Variants in TACR3 observed in about 807,000 individuals in gnomAD.
TACR3 encodes the protein tachykinin receptor 3, also known as neuromedin-K receptor.
In TACR3, 34 loss-of-function variants were observed where a neutral mutation model predicts 35.0. The ratio of observed to expected loss-of-function variants is 0.97; its 90% CI spans 0.74 to 1.30. The LOEUF is 1.30. Among genes scored for constraint, TACR3 ranks in the 50% most tolerant of loss-of-function variants. TACR3 has a pLI of 0.00. For synonymous variants in TACR3, 233 were observed against 221.1 expected, an observed-to-expected ratio of 1.05 and a Z score of -0.48; for missense variants, 558 against 591.7, an observed-to-expected ratio of 0.94 and a Z score of 0.59.
chr4:103,647,913 T>A lies in TACR3; in HGVS notation c.888+8281A>T, dbSNP rs537303400. ...CTAAAAGTTTCATATTAATTCAAAG[T>A]TTAAATATGCTAGGTTCTATATAAC... On this transcript the variant is annotated intron_variant, in intron 3 of 4. Transcript: ENST00000304883. Among the ~76,000 whole-genome samples, 62 of 152,150 alleles carry A rather than the reference T, an allele frequency of 4.1e-4. No homozygotes were observed. In the South Asian group the frequency reaches 0.012, roughly 31 times the overall value.
At chr4:103,671,728 G>A (rs538418865) in intron 1 of TACR3, among the ~76,000 whole-genome samples, 1 of 151,932 alleles carries the variant, frequency 6.6e-6, no homozygotes, top group Admixed American at 6.6e-5. Context: ...TTTCAAAAAA[G>A]CAACTTTTTA....
intron 1 of TACR3, among the ~76,000 whole-genome samples, chr4:103,663,559 T>C (rs1031651178): frequency 6.6e-6 from 1 of 152,210 alleles, no homozygotes; most frequent in Non-Finnish European, 1.5e-5. Context: ...ACTTATGTTC[T>C]GATTTGGTTC....
intron 1 of TACR3, among the ~76,000 whole-genome samples, chr4:103,711,697 T>C (rs939454136): frequency 3.3e-5 from 5 of 152,224 alleles, no homozygotes; most frequent in African/African-American, 1.2e-4. Flanking sequence ...AAAGAGGAAG[T>C]CAAATTGTCC....
At chr4:103,631,905 G>A (rs1014446790) in intron 3 of TACR3, among the ~76,000 whole-genome samples, 1 of 152,040 alleles carries the variant, frequency 6.6e-6, no homozygotes, top group Non-Finnish European at 1.5e-5. Context: ...TTCTAACCAA[G>A]TATCATTTCA....
At chr4:103,622,027 A>C (rs370187256) in intron 3 of TACR3, among the ~76,000 whole-genome samples, 1 of 152,344 alleles carries the variant, frequency 6.6e-6, no homozygotes, top group African/African-American at 2.4e-5. Context: ...AAGCCAAAAA[A>C]GTCTACTGAA....
At chr4:103,599,744 T>C (rs1328769695) in intron 3 of TACR3, among the ~76,000 whole-genome samples, 4 of 152,242 alleles carry the variant, frequency 2.6e-5, no homozygotes, top group Non-Finnish European at 5.9e-5. Flanking sequence ...TCTGTTTATA[T>C]GCTGGATTAG....
intron 1 of TACR3, among the ~76,000 whole-genome samples, chr4:103,692,207 AT>A (rs1213344765): frequency 6.6e-6 from 1 of 152,174 alleles, no homozygotes; most frequent in Admixed American, 6.6e-5. Context: ...GACATTCTTG[AT>A]TTTAAAATGT....
chr4:103,674,276 G>A (rs1297327424), intron 1 of TACR3, among the ~76,000 whole-genome samples: 3 of 151,530 alleles, frequency 2.0e-5, no homozygotes, highest in Non-Finnish European at 4.4e-5. Context: ...TAGCTATCCA[G>A]AGCACAATGA....
chr4:103,684,923 G>A lies in TACR3; in HGVS notation c.549-26520C>T, dbSNP rs530493373. On this transcript the variant is annotated intron_variant, in intron 1 of 4. Coordinates refer to ENST00000304883, the MANE Select transcript of TACR3 (RefSeq NM_001059.3). ...TGCTTGAACCTGGGAGGTGGAGGTT[G>A]CAGTGAACCGAGATTGCACCACTGT... 2.6e-5 allele frequency among the ~76,000 whole-genome samples: 4 copies of A among 151,898 alleles called. No homozygotes were observed. The East Asian group carries it at 7.7e-4, about 29-fold the overall frequency.
intron 1 of TACR3, among the ~76,000 whole-genome samples, chr4:103,685,859 A>G (rs1263602892): frequency 1.3e-5 from 2 of 152,174 alleles, no homozygotes; most frequent in African/African-American, 2.4e-5. Flanking sequence ...TCCCTTCCCC[A>G]GGTCCACAGT....
intron 3 of TACR3, among the ~76,000 whole-genome samples, chr4:103,639,945 A>G (rs963712361): frequency 2.2e-4 from 33 of 152,010 alleles, no homozygotes; most frequent in African/African-American, 7.5e-4. Flanking sequence ...GACCTATCAT[A>G]AGCATTATCT....
At chr4:103,637,696 G>A (rs1186231934) in intron 3 of TACR3, among the ~76,000 whole-genome samples, 1 of 152,162 alleles carries the variant, frequency 6.6e-6, no homozygotes, top group Non-Finnish European at 1.5e-5. Context: ...AAACCCCATT[G>A]TCTCAGCCCA....
In TACR3 at chr4:103,591,591, T is replaced by C. The variant is rs775623359; in HGVS notation, c.981A>G (p.Gln327=). The change falls in exon 4 of 5, where the codon CAA becomes CAG. Residue 327 remains glutamine (Q), a synonymous_variant. Transcript: ENST00000304883. The part of the protein sequence containing the change: ...IYFILTAIYQ[Q]LNRWKYIQQV... The stretch of plus-strand genomic sequence containing the variant: ...GCTGGATGTATTTCCATCTATTTAG[T>C]TGTTGATAGATTGCAGTGAGAATGA... 1 of 1,613,854 alleles carries C rather than the reference T, an allele frequency of 6.2e-7. No individual in the cohort carries two copies. The highest frequency in any genetic ancestry group is 1.1e-5 in the South Asian group (1 of 91,080).
At position 103,623,505 on chromosome 4, in the gene TACR3, A is replaced by G. The variant is rs1316548501; in HGVS notation, c.889-31822T>C. Reference sequence around the variant, plus strand: ...CATGTTTGTGCCATATAAAAATTTGATAACATGACTATAGCAAAACGTATC... The same window carrying G: ...CATGTTTGTGCCATATAAAAATTTGGTAACATGACTATAGCAAAACGTATC... On this transcript the variant is annotated intron_variant, in intron 3 of 4. Coordinates refer to ENST00000304883, the MANE Select transcript of TACR3 (RefSeq NM_001059.3). Among the ~76,000 whole-genome samples the G allele has an allele frequency of 1.3e-5, 2 of 152,168 alleles. 1 individual carries two copies. The highest frequency in any genetic ancestry group is 2.9e-5 in the Non-Finnish European group (2 of 68,026).
rs898367788 is a variant in TACR3, at chr4:103,586,034, T to C, written c.*3648A>G. Reference sequence around the variant, plus strand: ...AATAGGAAAGTAGTAAGACTTCTTTTACTTTTAATATTAGTTTTAATGTTT... The same window carrying C: ...AATAGGAAAGTAGTAAGACTTCTTTCACTTTTAATATTAGTTTTAATGTTT... On this transcript the variant is annotated 3_prime_UTR_variant, in exon 5 of 5. Coordinates refer to ENST00000304883, the MANE Select transcript of TACR3 (RefSeq NM_001059.3). The C allele has an allele frequency of 5.3e-5, 8 of 152,074 alleles. No homozygotes were observed. Among genetic ancestry groups the C allele is most frequent in the African/African-American group, 1.7e-4 (7 of 41,408 alleles). 9.4% of individuals were successfully genotyped at this position (152,074 alleles called of 1,614,324 possible).
At chr4:103,717,346 A>C (rs1723111403) in intron 1 of TACR3, among the ~76,000 whole-genome samples, 1 of 152,076 alleles carries the variant, frequency 6.6e-6, no homozygotes, top group South Asian at 2.1e-4. Flanking sequence ...GTATACTCTA[A>C]ATTTGTTAAT....
At chr4:103,662,089 A>G (rs1025653810) in intron 1 of TACR3, among the ~76,000 whole-genome samples, 15 of 152,190 alleles carry the variant, frequency 9.9e-5, no homozygotes, top group African/African-American at 3.6e-4. Flanking sequence ...TTGTACTTCA[A>G]TTGTCCCTAA....
chr4:103,662,502 G>A (rs762289081), intron 1 of TACR3, among the ~76,000 whole-genome samples: 2 of 152,154 alleles, frequency 1.3e-5, no homozygotes, highest in Non-Finnish European at 2.9e-5. Context: ...TTACAGGCAT[G>A]AGCCACCGCC....
chr4:103,616,445 A>T (rs1303081493), intron 3 of TACR3, among the ~76,000 whole-genome samples: 1 of 152,190 alleles, frequency 6.6e-6, no homozygotes, highest in Non-Finnish European at 1.5e-5. Context: ...CATATACATT[A>T]TACTTGTGCA....
Sources: allele counts gnomAD v4.1 joint callset (sites outside exome capture counted in the v4.1 genomes callset), GRCh38; gene constraint gnomAD v4.1.1; transcripts MANE v1.5; gene names NCBI Gene and HGNC (gene_info 2026-07-23, HGNC 2026-07-21).